The following NNMT variants were observed in gnomAD, a reference collection of about 807,000 sequenced individuals.
NNMT encodes the protein nicotinamide N-methyltransferase.
A neutral mutation model predicts 11.7 loss-of-function variants in NNMT; 10 were observed. That is an observed-to-expected ratio of 0.85 (90% CI 0.53 to 1.45). NNMT has a LOEUF of 1.45. NNMT is among the 40% of genes most tolerant of loss of function. The pLI is 0.00. For missense variants in NNMT, 381 were observed against 319.4 expected, an observed-to-expected ratio of 1.19 and a Z score of -1.47; for synonymous variants, 143 against 133.8, an observed-to-expected ratio of 1.07 and a Z score of -0.48.
At chr11:114,310,270 G>A (rs905505820) in intron 2 of NNMT, among the ~76,000 whole-genome samples, 1 of 152,100 alleles carries the variant, frequency 6.6e-6, no homozygotes, top group South Asian at 2.1e-4. Context: ...GCCAACACTT[G>A]GTATTATCTG....
chr11:114,310,421 A>G (rs1489125579), intron 2 of NNMT, among the ~76,000 whole-genome samples: 1 of 152,270 alleles, frequency 6.6e-6, no homozygotes, highest in Non-Finnish European at 1.5e-5. Flanking sequence ...TAGGAAGCAT[A>G]AAGCATGTTT....
At chr11:114,259,866 A>G (rs761923994) in intron 1 of NNMT, among the ~76,000 whole-genome samples, 7 of 152,134 alleles carry the variant, frequency 4.6e-5, no homozygotes, top group Non-Finnish European at 8.8e-5. Flanking sequence ...TCCCAACTGT[A>G]CACCGGCTGG....
intron 2 of NNMT, among the ~76,000 whole-genome samples, chr11:114,273,683 T>C (rs1945189679): frequency 6.6e-6 from 1 of 152,022 alleles, no homozygotes; most frequent in Admixed American, 6.6e-5. Flanking sequence ...CTACTAAAAA[T>C]ACTAAAATTA....
At chr11:114,277,174 G>A (rs1391482151) in intron 2 of NNMT, among the ~76,000 whole-genome samples, 1 of 151,842 alleles carries the variant, frequency 6.6e-6, no homozygotes. Context: ...AGTGAGCCGA[G>A]ATCTTGCCAC....
At position 114,271,706 on chromosome 11, in the gene NNMT, GGTC is replaced by G. The variant is rs371637153; in HGVS notation, c.-130+8773_-130+8775del. On this transcript the variant is annotated intron_variant, in intron 2 of 4. Coordinates refer to the NNMT transcript ENST00000535401. ...TATGAATTACCAGCATCCACTCAGT[GGTC>G]TGGGACAGAAACCAGGGTGTTGTGT... Among the ~76,000 whole-genome samples the G allele has an allele frequency of 2.2e-3, 339 of 152,268 alleles. 2 individuals are homozygous for G. The highest frequency in any genetic ancestry group is 7.8e-3 in the African/African-American group (324 of 41,546).
chr11:114,266,419 G>A (rs77829270), intron 2 of NNMT, among the ~76,000 whole-genome samples: 6,704 of 152,114 alleles, frequency 0.044, 164 homozygotes, highest in East Asian at 0.069. Flanking sequence ...CTTTCTGACC[G>A]TCTTCTTCCA....
At chr11:114,292,646 T>C (rs571088768), upstream of NNMT, among the ~76,000 whole-genome samples, 216 of 152,322 alleles carry the variant, frequency 1.4e-3, 12 homozygotes, top group South Asian at 0.043. Context: ...CCTTTGTTTC[T>C]TCCCTTATAT....
chr11:114,285,039 T>A (rs1040276148), intron 2 of NNMT, among the ~76,000 whole-genome samples: 1 of 152,036 alleles, frequency 6.6e-6, no homozygotes, highest in Non-Finnish European at 1.5e-5. Context: ...ATTACAGGTG[T>A]GAGCGACTGT....
At chr11:114,266,747 G>A (rs1415663460) in intron 2 of NNMT, among the ~76,000 whole-genome samples, 3 of 152,166 alleles carry the variant, frequency 2.0e-5, no homozygotes, top group African/African-American at 7.2e-5. Flanking sequence ...TACCTTGATA[G>A]TGGCTTTGTT....
At chr11:114,272,929 C>G (rs1189847321) in intron 2 of NNMT, among the ~76,000 whole-genome samples, 1 of 152,168 alleles carries the variant, frequency 6.6e-6, no homozygotes, top group African/African-American at 2.4e-5. Context: ...CCACTGTACC[C>G]TACAGATAAA....
At chr11:114,294,477 CAA>C (rs60331768), upstream of NNMT, among the ~76,000 whole-genome samples, 2 of 123,404 alleles carry the variant, frequency 1.6e-5, no homozygotes, top group Non-Finnish European at 1.6e-5. Flanking sequence ...GACTCCACAT[CAA>C]AAAAAAAAAA....
intron 1 of NNMT, among the ~76,000 whole-genome samples, chr11:114,259,528 T>C (rs1167413813): frequency 6.6e-6 from 1 of 152,118 alleles, no homozygotes; most frequent in Non-Finnish European, 1.5e-5. Context: ...GCTGGGGGGT[T>C]GCATATGTAG....
intron 1 of NNMT, among the ~76,000 whole-genome samples, chr11:114,297,045 C>A (rs1404756872): frequency 1.3e-5 from 2 of 152,192 alleles, no homozygotes; most frequent in African/African-American, 4.8e-5. Flanking sequence ...CTGATCCTAA[C>A]TCAAGGGAAT....
Position 114,312,083 on chromosome 11 carries a change from C to A in NNMT, c.401C>A (p.Ala134Glu). 1 of 1,593,914 alleles carries A rather than the reference C, an allele frequency of 6.3e-7. No homozygotes were observed. Among genetic ancestry groups the A allele is most frequent in the Non-Finnish European group, 8.6e-7 (1 of 1,167,088 alleles). The change falls in exon 3 of 3, where the codon GCG becomes GAG. Residue 134 changes from alanine (A) to glutamate (E), a missense_variant. Ala to Glu is a moderately radical substitution (Grantham distance 107). Transcript: ENST00000299964. The part of the protein sequence containing the change: ...GPEKEEKLRQ[A>E]VKQVLKCDVT... Reference sequence around the variant, plus strand: ...GAGAAGGAGGAGAAGTTGAGACAGGCGGTCAAGCAGGTGCTGAAGTGTGAT... The same window carrying A: ...GAGAAGGAGGAGAAGTTGAGACAGGAGGTCAAGCAGGTGCTGAAGTGTGAT...
intron 2 of NNMT, among the ~76,000 whole-genome samples, chr11:114,305,661 C>G (rs922120888): frequency 2.2e-4 from 34 of 152,030 alleles, no homozygotes; most frequent in Non-Finnish European, 8.8e-5. Flanking sequence ...ATCCATGTCC[C>G]TACAAAGGAC....
intron 2 of NNMT, among the ~76,000 whole-genome samples, chr11:114,284,165 G>A (rs969412210): frequency 4.6e-5 from 7 of 152,204 alleles, no homozygotes; most frequent in Non-Finnish European, 1.0e-4. Context: ...TTGCCAGCAG[G>A]ATATTAGGGA....
rs765668441 is a variant in NNMT, at chr11:114,312,324, C to T, written c.642C>T (p.Leu214=). Residue 214 remains leucine (L), a synonymous_variant, in exon 3 of 3, where the codon CTC becomes CTT. Transcript: ENST00000299964. ...YMIGEQKFSS[L]PLGREAVEAA... ...TTGGTGAGCAGAAGTTCTCCAGCCT[C>T]CCCCTGGGCCGGGAGGCAGTAGAGG... 5.0e-6 allele frequency: 8 copies of T among 1,614,096 alleles called. No individual in the cohort carries two copies. In the East Asian group the frequency reaches 1.3e-4, roughly 27 times the overall value.
At chr11:114,304,977 T>C (rs747930475) in intron 2 of NNMT, among the ~76,000 whole-genome samples, 18 of 152,048 alleles carry the variant, frequency 1.2e-4, no homozygotes, top group Non-Finnish European at 2.5e-4. Flanking sequence ...CCTTAAGAAA[T>C]TGTAGAAGCT....
intron 2 of NNMT, among the ~76,000 whole-genome samples, chr11:114,267,712 T>G (rs767435664): frequency 6.6e-6 from 1 of 152,228 alleles, no homozygotes; most frequent in Non-Finnish European, 1.5e-5. Context: ...TTCCTGTCTT[T>G]TGTTTCTGCT....
Sources: gnomAD v4.1 joint callset for allele counts (sites outside exome capture counted in the v4.1 genomes callset) on GRCh38, gnomAD v4.1.1 for gene constraint, MANE v1.5 for transcripts, NCBI Gene and HGNC (gene_info 2026-07-23, HGNC 2026-07-21) for gene names.